The following WDR62 variants were observed in gnomAD, a reference collection of about 807,000 sequenced individuals.
WDR62 encodes the protein WD repeat-containing protein 62.
A neutral mutation model predicts 160.6 loss-of-function variants in WDR62; 112 were observed. The ratio of observed to expected loss-of-function variants is 0.70; its 90% CI spans 0.60 to 0.82. The LOEUF is 0.82. WDR62 is among the 40% of genes least tolerant of loss of function. The probability of loss-of-function intolerance (pLI) is 0.00; values close to 1 mark genes in which losing one functional copy is unlikely to be tolerated. For missense variants in WDR62, 1,819 were observed against 1,983.8 expected (o/e 0.92, Z 1.58); for synonymous variants, 792 against 815.1 (o/e 0.97, Z 0.48).
chr19:36,094,084 A>C lies in WDR62; in HGVS notation c.2387A>C (p.Glu796Ala). ...PSEIHSLSPG[E>A]QTEDDLEEEC... is the part of the protein sequence containing the mutation. The stretch of plus-strand genomic sequence containing the variant: ...GAGATTCACTCCCTGAGCCCTGGAG[A>C]GCAAACAGAGGATGATCTGGAGGAA... Residue 796 changes from glutamate (E) to alanine (A), a missense_variant, in exon 20 of 32, where the codon GAG (glutamate) becomes GCG (alanine). Physicochemically the swap from Glu to Ala is moderately radical, Grantham distance 107 (BLOSUM62 -1). Coordinates refer to ENST00000401500, the MANE Select transcript of WDR62 (RefSeq NM_001083961.2). 6.2e-7 allele frequency: 1 copy of C among 1,614,126 alleles called. No individual in the cohort carries two copies. Among genetic ancestry groups the C allele is most frequent in the Non-Finnish European group, 8.5e-7 (1 of 1,180,014 alleles).
chr19:36,096,995 G>T, intron 20 of WDR62, 32 bp from the exon 21 acceptor site: 1 of 1,596,996 alleles, frequency 6.3e-7, no homozygotes, highest in East Asian at 2.3e-5. Context: ...TGGGTTGTTT[G>T]TCCTCTTTTC....
chr19:36,102,328 T>G, intron 26 of WDR62, 177 bp downstream of exon 26: 1 of 874,198 alleles, frequency 1.1e-6, no homozygotes, highest in East Asian at 2.6e-5. Flanking sequence ...TGGCCCAATC[T>G]TGGCTCACTG....
chr19:36,063,487 G>A (rs1401726510), intron 3 of WDR62, among the ~76,000 whole-genome samples: 1 of 151,740 alleles, frequency 6.6e-6, no homozygotes, highest in Non-Finnish European at 1.5e-5. Context: ...TCCTGACCTC[G>A]TGATCCACCC....
At chr19:36,095,618 AC>A (rs1237684948) in intron 20 of WDR62, among the ~76,000 whole-genome samples, 1 of 152,334 alleles carries the variant, frequency 6.6e-6, no homozygotes, top group African/African-American at 2.4e-5. Context: ...ACATGGTGAA[AC>A]CCCATGTCTG....
chr19:36,071,553 C>T lies in WDR62; in HGVS notation c.883-3C>T. 1 of 1,614,252 alleles carries T rather than the reference C, an allele frequency of 6.2e-7. No homozygotes were observed. The highest frequency in any genetic ancestry group is 8.5e-7 in the Non-Finnish European group (1 of 1,180,052). ...TCCACTGGGGTCCCTTTTGCCCCTA[C>T]AGGTCTCCCTGTCTTCCTGCCTCTG... On this transcript the variant is annotated splice_region_variant and splice_polypyrimidine_tract_variant and intron_variant, in intron 7 of 31. Coordinates refer to ENST00000401500, the MANE Select transcript of WDR62 (RefSeq NM_001083961.2).
chr19:36,086,955 C>G, intron 13 of WDR62, 143 bp downstream of exon 13: 1 of 1,283,526 alleles, frequency 7.8e-7, no homozygotes, highest in Non-Finnish European at 1.1e-6. Context: ...TGACTGGGGC[C>G]GGGTGTAATG....
At position 36,100,836 on chromosome 19, in the gene WDR62, ACT is replaced by A. The variant is rs767039098; in HGVS notation, c.2833_2834del (p.Leu945GlyfsTer45). The A allele has an allele frequency of 6.2e-7, 1 of 1,613,972 alleles. No individual in the cohort carries two copies. Among genetic ancestry groups the A allele is most frequent in the African/African-American group, 1.3e-5 (1 of 74,954 alleles). On this transcript the variant is annotated frameshift_variant, in exon 23 of 32. Coordinates refer to ENST00000401500, the MANE Select transcript of WDR62 (RefSeq NM_001083961.2). LOFTEE classifies it high-confidence loss of function. ...TCTGAGGCCAGTGAGCTCATCCTCTACTCTCTGGAGGCAGAAGTGACAGTCAC... is the reference window on the plus strand; with the variant it reads ...TCTGAGGCCAGTGAGCTCATCCTCTACTCTGGAGGCAGAAGTGACAGTCAC...
chr19:36,091,123 G>C, intron 16 of WDR62, 77 bp from the exon 17 acceptor site: 1 of 1,277,400 alleles, frequency 7.8e-7, no homozygotes, highest in South Asian at 1.2e-5. Flanking sequence ...ATGCAGCACG[G>C]GGGAGGGAGG....
chr19:36,102,345 C>G, intron 26 of WDR62, 194 bp downstream of exon 26: 1 of 742,682 alleles, frequency 1.3e-6, no homozygotes, highest in Non-Finnish European at 2.3e-6. Flanking sequence ...ACTGCAACCT[C>G]CGACTCCCTG....
intron 20 of WDR62, 77 bp from the exon 21 acceptor site, chr19:36,096,950 T>G: frequency 7.1e-7 from 1 of 1,403,070 alleles, no homozygotes. Context: ...GTTGCCTCTT[T>G]GGGGACTGCC....
chr19:36,087,539 G>A (rs986006111), intron 13 of WDR62, among the ~76,000 whole-genome samples: 6 of 151,296 alleles, frequency 4.0e-5, no homozygotes, highest in Non-Finnish European at 8.8e-5. Flanking sequence ...AATATAGGCC[G>A]GGCGTGGTGG....
intron 7 of WDR62, among the ~76,000 whole-genome samples, chr19:36,069,835 A>G (rs1450372458): frequency 6.6e-6 from 1 of 152,198 alleles, no homozygotes; most frequent in African/African-American, 2.4e-5. Context: ...GTGGAGACCA[A>G]AAAAATACGA....
chr19:36,071,489 G>T, intron 7 of WDR62, 67 bp from the exon 8 acceptor site: 1 of 1,599,204 alleles, frequency 6.3e-7, no homozygotes. Context: ...TGCTCTGTCA[G>T]TCCCCATATC....
Position 36,089,055 on chromosome 19 carries a change from A to G in WDR62, c.1786A>G (p.Met596Val). 1 of 1,614,084 alleles carries G rather than the reference A, an allele frequency of 6.2e-7. No individual in the cohort carries two copies. Among genetic ancestry groups the G allele is most frequent in the Non-Finnish European group, 8.5e-7 (1 of 1,180,012 alleles). The stretch of plus-strand genomic sequence containing the variant: ...TCCCCTAGGCAACAGAGACATCCAG[A>G]TGATCAGCTGTGGGGCTGACAAGAG... ...IKFAGNRDIQMISCGADKSIY... is the reference protein window; with the variant it reads ...IKFAGNRDIQVISCGADKSIY... Residue 596 changes from methionine to valine, a missense_variant, in exon 14 of 32, where the codon ATG becomes GTG. Met to Val is a conservative substitution (Grantham distance 21). Coordinates refer to ENST00000401500, the MANE Select transcript of WDR62 (RefSeq NM_001083961.2).
chr19:36,104,937 A>G lies in WDR62; in HGVS notation c.4481A>G (p.Tyr1494Cys), dbSNP rs886043267. Reference sequence around the variant, plus strand: ...GGACCCCCGTCCCCACCGACGCTGTACCCCCTGGCCAGCCCAGACCTGCAG... The same window carrying G: ...GGACCCCCGTCCCCACCGACGCTGTGCCCCCTGGCCAGCCCAGACCTGCAG... ...SPGPPSPPTL[Y>C]PLASPDLQAL... Residue 1494 changes from tyrosine to cysteine, a missense_variant, in exon 32 of 32, where the codon TAC (tyrosine) becomes TGC (cysteine). This residue lies in a region of WDR62 where 770 missense variants were observed against 734.2 expected (regional missense o/e 1.05). Transcript: ENST00000401500. 2 of 1,608,100 alleles carry G rather than the reference A, an allele frequency of 1.2e-6. No homozygotes were observed. The highest frequency in any genetic ancestry group is 1.3e-5 in the African/African-American group (1 of 74,844).
At chr19:36,078,220 T>C (rs1187158642) in intron 9 of WDR62, among the ~76,000 whole-genome samples, 1 of 151,544 alleles carries the variant, frequency 6.6e-6, no homozygotes, top group Non-Finnish European at 1.5e-5. Context: ...TGATCTCCGC[T>C]CACTGCAACC....
chr19:36,055,295 C>G (rs943176530), intron 1 of WDR62, 147 bp downstream of exon 1: 2 of 801,072 alleles, frequency 2.5e-6, no homozygotes, highest in Non-Finnish European at 4.0e-6. Flanking sequence ...ACCCCCGCCC[C>G]TTTAGCCACG....
chr19:36,069,116 C>T (rs1452611268), intron 7 of WDR62, among the ~76,000 whole-genome samples: 4 of 146,856 alleles, frequency 2.7e-5, no homozygotes, highest in South Asian at 2.2e-4. Context: ...GCTGGCCGGG[C>T]GGGGGCTGAC....
chr19:36,105,233 C>T (rs1257409963), downstream of WDR62: 9 of 659,910 alleles, frequency 1.4e-5, no homozygotes, highest in East Asian at 2.5e-4. Context: ...CCAGCGCTCC[C>T]AAGAAGTTCA....
Sources: gnomAD v4.1 joint callset for allele counts (sites outside exome capture counted in the v4.1 genomes callset) on GRCh38, gnomAD v4.1.1 for gene constraint, gnomAD v4.1.1 regional missense constraint, MANE v1.5 for transcripts, NCBI Gene and HGNC (gene_info 2026-07-23, HGNC 2026-07-21) for gene names.